Variants in CDYL observed in about 807,000 individuals in gnomAD.
CDYL encodes chromodomain Y-like protein.
CDYL carries 8 observed loss-of-function variants against 47.3 expected under a neutral mutation model. The observed-to-expected ratio is 0.17, with a 90% CI of 0.10 to 0.31. The LOEUF is 0.31. CDYL is among the 10% of genes least tolerant of loss of function. CDYL has a pLI of 1.00. For synonymous variants in CDYL, 266 were observed against 265.0 expected, an observed-to-expected ratio of 1.00 and a Z score of -0.04; for missense variants, 471 against 701.4, an observed-to-expected ratio of 0.67 and a Z score of 3.71.
chr6:4,889,260 T>G (rs1263534360), intron 1 of CDYL, among the ~76,000 whole-genome samples: 2 of 152,016 alleles, frequency 1.3e-5, no homozygotes, highest in African/African-American at 4.8e-5. Context: ...AGTCTTGCAC[T>G]GTCGCCCAGG....
At chr6:4,911,707 ATTTAAC>A (rs1488742068) in intron 2 of CDYL, among the ~76,000 whole-genome samples, 1 of 152,226 alleles carries the variant, frequency 6.6e-6, no homozygotes, top group Non-Finnish European at 1.5e-5. Context: ...TTTCAAAATT[ATTTAAC>A]TTTAAATAAC....
In CDYL at chr6:4,850,966, C is replaced by T. The variant is rs143508350; in HGVS notation, c.25-40747C>T. Among the ~76,000 whole-genome samples the T allele has an allele frequency of 1.4e-4, 22 of 152,176 alleles. No homozygotes were observed. In the East Asian group the frequency reaches 4.1e-3, roughly 28 times the overall value. ...ATTACCAGGGGAAATATAATGGCACCGAGGCACATGGCAATGACTAATTAA... is the reference window on the plus strand; with the variant it reads ...ATTACCAGGGGAAATATAATGGCACTGAGGCACATGGCAATGACTAATTAA... On this transcript the variant is annotated intron_variant, in intron 1 of 6. Transcript: ENST00000397588.
intron 3 of CDYL, among the ~76,000 whole-genome samples, chr6:4,758,994 G>A (rs1758126073): frequency 7.1e-6 from 1 of 140,246 alleles, no homozygotes; most frequent in Admixed American, 7.2e-5. Context: ...TTGAGATGGA[G>A]TCTCGTTCTG....
rs143846054 is a variant in CDYL at position 4,895,533 on chromosome 6, A to G, written c.691+3154A>G. On this transcript the variant is annotated intron_variant, in intron 2 of 6. Coordinates refer to ENST00000397588, the MANE Select transcript of CDYL (RefSeq NM_004824.4). ...TATATATGTATATATACATGTATAC[A>G]TATATGTGTATATGTGTGTGTGTAT... 3.5e-3 allele frequency among the ~76,000 whole-genome samples: 524 copies of G among 149,222 alleles called. 13 individuals carry two copies. Among genetic ancestry groups the G allele is most frequent in the African/African-American group, 0.013 (498 of 39,380 alleles).
chr6:4,948,966 T>C (rs1008914448), intron 5 of CDYL, among the ~76,000 whole-genome samples: 6 of 152,244 alleles, frequency 3.9e-5, no homozygotes, highest in Admixed American at 1.3e-4. Context: ...GAGGCAAGAC[T>C]GGACAAGTGT....
chr6:4,928,833 A>AT (rs567087458), intron 2 of CDYL: 6 of 152,080 alleles, frequency 3.9e-5, no homozygotes, highest in Non-Finnish European at 7.4e-5. Flanking sequence ...AAGAATAGCC[A>AT]TTTTTTTAAG....
At chr6:4,736,328 A>G (rs1757703638) in intron 3 of CDYL, among the ~76,000 whole-genome samples, 1 of 152,246 alleles carries the variant, frequency 6.6e-6, no homozygotes, top group Non-Finnish European at 1.5e-5. Context: ...ACTAAGTTAC[A>G]GTTGTTGCTG....
intron 2 of CDYL, among the ~76,000 whole-genome samples, chr6:4,910,782 G>A (rs2127499998): frequency 6.6e-6 from 1 of 152,274 alleles, no homozygotes; most frequent in African/African-American, 2.4e-5. Flanking sequence ...GAAGTGGGTA[G>A]TGGAGTGTTT....
At chr6:4,721,446 G>A (rs926022810) in intron 2 of CDYL, among the ~76,000 whole-genome samples, 2 of 152,164 alleles carry the variant, frequency 1.3e-5, no homozygotes, top group African/African-American at 4.8e-5. Flanking sequence ...GCAGCGGCAT[G>A]ATCTCAGCTC....
intron 1 of CDYL, among the ~76,000 whole-genome samples, chr6:4,888,711 T>C (rs1761962362): frequency 1.3e-5 from 2 of 152,168 alleles, no homozygotes; most frequent in South Asian, 4.1e-4. Context: ...GTTAGGTTAT[T>C]GATTTGAGGT....
chr6:4,861,171 A>G (rs553728222), intron 1 of CDYL, among the ~76,000 whole-genome samples: 1 of 152,360 alleles, frequency 6.6e-6, no homozygotes, highest in South Asian at 2.1e-4. Flanking sequence ...CTATGAGCAA[A>G]ATGGGAAGCC....
intron 1 of CDYL, among the ~76,000 whole-genome samples, chr6:4,810,239 C>T (rs1055462847): frequency 6.6e-6 from 1 of 152,128 alleles, no homozygotes; most frequent in African/African-American, 2.4e-5. Flanking sequence ...ATTGTACTTC[C>T]TAACTCCTAC....
At chr6:4,855,772 CT>C (rs2085719963) in intron 1 of CDYL, among the ~76,000 whole-genome samples, 1 of 152,200 alleles carries the variant, frequency 6.6e-6, no homozygotes, top group Non-Finnish European at 1.5e-5. Context: ...CTGTTCTGTT[CT>C]GGCTCGTTTT....
chr6:4,901,238 A>G (rs777019674), intron 2 of CDYL, among the ~76,000 whole-genome samples: 4 of 152,150 alleles, frequency 2.6e-5, no homozygotes, highest in Admixed American at 1.3e-4. Context: ...AACTGATACA[A>G]GGACAAAGGG....
At chr6:4,781,525 T>G (rs1263394557) in intron 1 of CDYL, among the ~76,000 whole-genome samples, 5 of 152,220 alleles carry the variant, frequency 3.3e-5, no homozygotes, top group African/African-American at 4.8e-5. Flanking sequence ...ATAGCCTATC[T>G]TAAATGCTCT....
At chr6:4,812,171 G>T (rs1024463928) in intron 1 of CDYL, among the ~76,000 whole-genome samples, 2 of 152,214 alleles carry the variant, frequency 1.3e-5, no homozygotes, top group Admixed American at 1.3e-4. Flanking sequence ...TGTTTAGAAT[G>T]TACACAAACG....
chr6:4,898,789 A>G (rs1762359607), intron 2 of CDYL, among the ~76,000 whole-genome samples: 1 of 152,238 alleles, frequency 6.6e-6, no homozygotes, highest in African/African-American at 2.4e-5. Flanking sequence ...CTTTAAAAAC[A>G]TGCACACCAT....
chr6:4,751,031 T>G lies in CDYL; in HGVS notation c.186+16187T>G, dbSNP rs1757980834. On this transcript the variant is annotated intron_variant, in intron 3 of 8. Coordinates refer to the CDYL transcript ENST00000328908. ...CCACGCCCGGCTAATTTTTTGTATA[T>G]TTTTTAGTAGAGACAGGGTTTCACC... Among the ~76,000 whole-genome samples the G allele has an allele frequency of 2.0e-5, 3 of 151,912 alleles. No homozygotes were observed. The East Asian group carries it at 5.8e-4, about 30-fold the overall frequency.
intron 1 of CDYL, among the ~76,000 whole-genome samples, chr6:4,860,147 C>T (rs1484178120): frequency 2.6e-5 from 4 of 151,996 alleles, no homozygotes; most frequent in Non-Finnish European, 5.9e-5. Context: ...GTGATCCGCC[C>T]GCCTCGGCCT....
Sources: allele counts gnomAD v4.1 joint callset (sites outside exome capture counted in the v4.1 genomes callset), GRCh38; gene constraint gnomAD v4.1.1; transcripts MANE v1.5; gene names NCBI Gene and HGNC (gene_info 2026-07-23, HGNC 2026-07-21).